Variants in OCA2 observed in about 807,000 individuals in gnomAD.
OCA2 encodes the protein P protein.
Under a neutral mutation model 100.2 loss-of-function variants are expected in OCA2, and 77 were observed. The observed-to-expected ratio is 0.77, with a 90% CI of 0.64 to 0.93. OCA2 has a LOEUF of 0.93. OCA2 is among the 40% of genes least tolerant of loss of function. OCA2 has a pLI of 0.00. For missense variants in OCA2, 1,062 were observed against 1,089.1 expected (o/e 0.98, Z 0.35); for synonymous variants, 432 against 439.2 (o/e 0.98, Z 0.21).
At position 27,997,156 on chromosome 15, in the gene OCA2, AAG is replaced by A. The variant is rs202031105; in HGVS notation, c.1045-6511_1045-6510del. ...GAAGGAAGGAAGAGAGAGAGAAAGA[AAG>A]AAAGGAAGGAAGGAAGGAGAGAGAA... On this transcript the variant is annotated intron_variant, in intron 9 of 23. Transcript: ENST00000354638. Among the ~76,000 whole-genome samples the A allele has an allele frequency of 5.8e-3, 875 of 150,142 alleles. 10 individuals carry two copies. The highest frequency in any genetic ancestry group is 0.02 in the African/African-American group (823 of 40,932).
At chr15:27,989,241 T>C (rs1381242751) in intron 11 of OCA2, among the ~76,000 whole-genome samples, 1 of 152,246 alleles carries the variant, frequency 6.6e-6, no homozygotes, top group Non-Finnish European at 1.5e-5. Flanking sequence ...GAGTGACACC[T>C]TCCTTTATTC....
At chr15:27,868,455 A>G (rs2036413041) in intron 21 of OCA2, among the ~76,000 whole-genome samples, 1 of 152,202 alleles carries the variant, frequency 6.6e-6, no homozygotes, top group South Asian at 2.1e-4. Flanking sequence ...GCTATGTGAG[A>G]TAAGCGAGTT....
intron 15 of OCA2, among the ~76,000 whole-genome samples, chr15:27,962,623 G>A (rs777363809): frequency 4.6e-5 from 7 of 151,666 alleles, no homozygotes; most frequent in Non-Finnish European, 8.8e-5. Flanking sequence ...CAAAGTTAGT[G>A]GTATAATAGT....
At chr15:27,734,594 G>C in the OCA2 span, among the ~76,000 whole-genome samples, 5,716 of 152,296 alleles carry the variant, frequency 0.038, 157 homozygotes, top group Middle Eastern at 0.089. Context: ...ACCTGTCCAG[G>C]TGTGGGGCTT....
At chr15:28,027,842 G>C (rs759188997) in intron 4 of OCA2, 29 bp downstream of exon 4, 2 of 1,610,492 alleles carry the variant, frequency 1.2e-6, no homozygotes, top group Non-Finnish European at 1.7e-6. Context: ...CACCGCTGCT[G>C]CCAGGGTGGG....
chr15:27,725,688 G>A, the OCA2 span, among the ~76,000 whole-genome samples: 1 of 152,308 alleles, frequency 6.6e-6, no homozygotes, highest in East Asian at 1.9e-4. Context: ...TTTCACTTGG[G>A]AAGAGAGAAC....
At chr15:28,022,060 G>A (rs1166753286) in intron 6 of OCA2, among the ~76,000 whole-genome samples, 1 of 152,226 alleles carries the variant, frequency 6.6e-6, no homozygotes, top group South Asian at 2.1e-4. Context: ...TACAGGATGT[G>A]TATGACTTCT....
intron 1 of OCA2, among the ~76,000 whole-genome samples, chr15:28,098,599 C>T (rs1235336399): frequency 6.6e-6 from 1 of 152,210 alleles, no homozygotes; most frequent in African/African-American, 2.4e-5. Flanking sequence ...GCTTCACCGC[C>T]GGGCCCCAGG....
intron 23 of OCA2, among the ~76,000 whole-genome samples, chr15:27,837,463 T>C (rs1183680327): frequency 1.3e-5 from 2 of 152,160 alleles, no homozygotes; most frequent in South Asian, 2.1e-4. Context: ...ACATTATTAC[T>C]TGGCAGTAAA....
intron 23 of OCA2, among the ~76,000 whole-genome samples, chr15:27,770,667 A>G (rs2031664070): frequency 6.7e-6 from 1 of 149,434 alleles, no homozygotes; most frequent in African/African-American, 2.6e-5. Context: ...TGAATCCAAG[A>G]TGGACAGCGG....
At chr15:27,951,104 G>A (rs748317668) in intron 18 of OCA2, among the ~76,000 whole-genome samples, 10 of 152,202 alleles carry the variant, frequency 6.6e-5, no homozygotes, top group Non-Finnish European at 1.3e-4. Context: ...TGGGAGAGTG[G>A]AGAACGTTTA....
chr15:27,775,090 G>C (rs1176129696), intron 23 of OCA2, among the ~76,000 whole-genome samples: 1 of 149,500 alleles, frequency 6.7e-6, no homozygotes, highest in South Asian at 2.1e-4. Context: ...GTGTGTGTGT[G>C]TGTGTGTGTG....
intron 21 of OCA2, among the ~76,000 whole-genome samples, chr15:27,857,549 G>C (rs2035988687): frequency 6.6e-6 from 1 of 152,076 alleles, no homozygotes; most frequent in Non-Finnish European, 1.5e-5. Flanking sequence ...AAATGATTAA[G>C]ATGGTGCATT....
chr15:27,795,683 G>A (rs759862949), intron 23 of OCA2, among the ~76,000 whole-genome samples: 6 of 152,210 alleles, frequency 3.9e-5, no homozygotes, highest in Non-Finnish European at 8.8e-5. Context: ...GAGCAGGGTA[G>A]GCTGTCAGAA....
chr15:27,820,845 G>T (rs970444547), intron 23 of OCA2, among the ~76,000 whole-genome samples: 4 of 152,128 alleles, frequency 2.6e-5, no homozygotes, highest in African/African-American at 9.7e-5. Flanking sequence ...GTTACAGACT[G>T]TAAGTGGCAA....
At chr15:27,996,890 A>C (rs1044819477) in intron 9 of OCA2, among the ~76,000 whole-genome samples, 5 of 152,068 alleles carry the variant, frequency 3.3e-5, no homozygotes, top group Non-Finnish European at 7.4e-5. Flanking sequence ...AACTTTTGTA[A>C]AACTTCAAAC....
downstream of OCA2, among the ~76,000 whole-genome samples, chr15:27,750,397 C>T (rs770750522): frequency 5.3e-5 from 8 of 152,052 alleles, no homozygotes; most frequent in Non-Finnish European, 7.4e-5. Context: ...GCACACTCAC[C>T]GGGAGTTTGA....
chr15:27,846,230 C>A (rs1056052555), intron 22 of OCA2, among the ~76,000 whole-genome samples: 1 of 152,130 alleles, frequency 6.6e-6, no homozygotes, highest in African/African-American at 2.4e-5. Context: ...CCTGCCAACC[C>A]CACTCCTTCC....
intron 2 of OCA2, among the ~76,000 whole-genome samples, chr15:28,053,621 G>A (rs2043586883): frequency 6.6e-6 from 1 of 152,166 alleles, no homozygotes; most frequent in Non-Finnish European, 1.5e-5. Context: ...TTGCTGATGA[G>A]GCCCCTGGAG....
Sources: gnomAD v4.1 joint callset for allele counts (sites outside exome capture counted in the v4.1 genomes callset) on GRCh38, gnomAD v4.1.1 for gene constraint, MANE v1.5 for transcripts, NCBI Gene and HGNC (gene_info 2026-07-23, HGNC 2026-07-21) for gene names.